Variants in DLC1 observed in about 807,000 individuals in gnomAD.
DLC1 encodes the protein DLC1 Rho GTPase activating protein.
In DLC1, 54 loss-of-function variants were observed where a neutral mutation model predicts 140.3. That is an observed-to-expected ratio of 0.38 (90% CI 0.31 to 0.48). DLC1 has a LOEUF of 0.48. Ranked by LOEUF, DLC1 falls within the 20% of genes least tolerant of loss-of-function variation. The probability of loss-of-function intolerance (pLI) is 0.96; values close to 1 mark genes in which losing one functional copy is unlikely to be tolerated. For missense variants in DLC1, 2,536 were observed against 1,907.0 expected (o/e 1.33, Z -6.14); for synonymous variants, 986 against 728.1 (o/e 1.35, Z -5.70).
chr8:13,453,487 TATACATATATATATGTATATATATATAC>T (rs1799229974), intron 2 of DLC1, among the ~76,000 whole-genome samples: 1 of 36,944 alleles, frequency 2.7e-5, no homozygotes, highest in African/African-American at 1.3e-4. Context: ...TATGTATATA[TATACATATATATATGTATATATATATAC>T]ATATATATAT....
chr8:13,200,621 G>A (rs1369928474), intron 5 of DLC1, among the ~76,000 whole-genome samples: 2 of 151,692 alleles, frequency 1.3e-5, no homozygotes, highest in African/African-American at 2.4e-5. Context: ...TTTTTTTTTA[G>A]AGAGGCAGAG....
intron 5 of DLC1, among the ~76,000 whole-genome samples, chr8:13,292,605 G>T (rs918268895): frequency 6.6e-6 from 1 of 152,140 alleles, no homozygotes; most frequent in Non-Finnish European, 1.5e-5. Flanking sequence ...TTGGGGTGCA[G>T]CCATCAGAGG....
chr8:13,421,805 C>A (rs537158152), intron 2 of DLC1, among the ~76,000 whole-genome samples: 2 of 152,204 alleles, frequency 1.3e-5, no homozygotes, highest in East Asian at 3.9e-4. Flanking sequence ...TTCTTCTTTC[C>A]CAATATGGTA....
At chr8:13,407,350 C>T (rs1206622437) in intron 2 of DLC1, among the ~76,000 whole-genome samples, 1 of 152,154 alleles carries the variant, frequency 6.6e-6, no homozygotes, top group Admixed American at 6.5e-5. Context: ...TCTTTCCTTC[C>T]ATCTGGGAAA....
At chr8:13,400,941 A>T (rs1181325120) in intron 3 of DLC1, among the ~76,000 whole-genome samples, 1 of 152,226 alleles carries the variant, frequency 6.6e-6, no homozygotes, top group African/African-American at 2.4e-5. Context: ...TACAATTCTC[A>T]GCTCTGTCTC....
intron 1 of DLC1, among the ~76,000 whole-genome samples, chr8:13,526,973 T>G (rs1291206881): frequency 6.6e-6 from 1 of 152,244 alleles, no homozygotes; most frequent in Non-Finnish European, 1.5e-5. Context: ...TTCTATTGTG[T>G]AGAAATATAT....
At chr8:13,235,723 A>G (rs1829244963) in intron 5 of DLC1, among the ~76,000 whole-genome samples, 1 of 152,088 alleles carries the variant, frequency 6.6e-6, no homozygotes, top group South Asian at 2.1e-4. Context: ...TTTCCTAAGA[A>G]ATGGAGCCAG....
chr8:13,376,742 C>G (rs1329823138), intron 4 of DLC1, among the ~76,000 whole-genome samples: 4 of 152,116 alleles, frequency 2.6e-5, no homozygotes, highest in African/African-American at 9.7e-5. Flanking sequence ...AAAGTAAATT[C>G]CTGCTTTCAC....
intron 5 of DLC1, among the ~76,000 whole-genome samples, chr8:13,232,426 C>T (rs1177609788): frequency 2.6e-5 from 4 of 152,134 alleles, no homozygotes; most frequent in East Asian, 1.9e-4. Flanking sequence ...CTCTGCCTCC[C>T]GGGTTCAAGC....
At position 13,494,409 on chromosome 8, in the gene DLC1, G is replaced by A. The variant is rs765067490; in HGVS notation, c.1023+4640C>T. Among the ~76,000 whole-genome samples the A allele has an allele frequency of 4.1e-4, 62 of 152,240 alleles. 1 individual carries two copies. In the Middle Eastern group the frequency reaches 0.014, roughly 33 times the overall value. ...TAGCCCATGAAATTGCAGTGAAGCC[G>A]ACGACCTGGGTACTGCCTGTACACA... On this transcript the variant is annotated intron_variant, in intron 2 of 17. Transcript: ENST00000276297.
In DLC1 at chr8:13,598,673, T is replaced by C. The variant is rs538229041; in HGVS notation, c.-126+5864A>G. 3.3e-5 allele frequency among the ~76,000 whole-genome samples: 5 copies of C among 152,176 alleles called. No homozygotes were observed. In the South Asian group the frequency reaches 1.0e-3, roughly 31 times the overall value. On this transcript the variant is annotated intron_variant, in intron 1 of 1. Transcript: ENST00000631382. ...TTTTTTCTTACATAACTCAATATAA[T>C]ACTTACTATTATTGCATTACTACTT...
intron 5 of DLC1, among the ~76,000 whole-genome samples, chr8:13,137,416 A>T (rs1016067398): frequency 1.3e-5 from 2 of 152,154 alleles, no homozygotes; most frequent in African/African-American, 2.4e-5. Flanking sequence ...CCAACAGCTT[A>T]GGGTCCTCTG....
chr8:13,406,139 T>G (rs1307441561), intron 2 of DLC1, among the ~76,000 whole-genome samples: 1 of 147,888 alleles, frequency 6.8e-6, no homozygotes, highest in African/African-American at 2.5e-5. Context: ...CCCGAGTAGC[T>G]GGGATTATAC....
At chr8:13,136,077 A>G (rs77610273) in intron 5 of DLC1, among the ~76,000 whole-genome samples, 1,899 of 152,356 alleles carry the variant, frequency 0.012, 39 homozygotes, top group African/African-American at 0.044. Flanking sequence ...CTTCTTAGAA[A>G]TGGACATGCT....
intron 5 of DLC1, among the ~76,000 whole-genome samples, chr8:13,189,925 C>A (rs1056723017): frequency 6.6e-6 from 1 of 151,664 alleles, no homozygotes; most frequent in Non-Finnish European, 1.5e-5. Flanking sequence ...TGGCTTCCCA[C>A]AAAGCCAGAG....
intron 5 of DLC1, among the ~76,000 whole-genome samples, chr8:13,261,354 T>TGGAGTGAACAC (rs147761463): frequency 0.13 from 19,154 of 151,890 alleles, 1,258 homozygotes; most frequent in South Asian, 0.24. Flanking sequence ...GTGTATAGAA[T>TGGAGTGAACAC]GGGAAAGGAT....
At chr8:13,391,107 T>G (rs1214921184) in intron 4 of DLC1, among the ~76,000 whole-genome samples, 1 of 152,238 alleles carries the variant, frequency 6.6e-6, no homozygotes, top group South Asian at 2.1e-4. Flanking sequence ...TATTTCTTTC[T>G]GGGTACTCTT....
At chr8:13,437,787 G>T (rs950916573) in intron 2 of DLC1, among the ~76,000 whole-genome samples, 1 of 152,086 alleles carries the variant, frequency 6.6e-6, no homozygotes. Flanking sequence ...ACACCATCAG[G>T]TCATAAATGG....
chr8:13,522,729 T>C (rs555996097), intron 1 of DLC1, among the ~76,000 whole-genome samples: 1 of 152,118 alleles, frequency 6.6e-6, no homozygotes, highest in African/African-American at 2.4e-5. Flanking sequence ...AAACAGAAAA[T>C]GCAGAGCATG....
Sources: allele counts gnomAD v4.1 joint callset (sites outside exome capture counted in the v4.1 genomes callset), GRCh38; gene constraint gnomAD v4.1.1; transcripts MANE v1.5; gene names NCBI Gene and HGNC (gene_info 2026-07-23, HGNC 2026-07-21).